Variants in ACBD6 observed in about 807,000 individuals in gnomAD.
ACBD6 encodes the protein acyl-CoA binding domain containing 6, also known as acyl-CoA-binding domain-containing protein 6.
Under a neutral mutation model 37.2 loss-of-function variants are expected in ACBD6, and 28 were observed. The observed-to-expected ratio is 0.75, with a 90% CI of 0.56 to 1.03. ACBD6 has a LOEUF of 1.03. Among genes scored for constraint, ACBD6 ranks in the 50% least tolerant of loss-of-function variants. The pLI is 0.00. For missense variants in ACBD6, 340 were observed against 337.4 expected (o/e 1.01, Z -0.06); for synonymous variants, 113 against 126.8 (o/e 0.89, Z 0.73).
At chr1:180,275,790 T>A (rs1466545036) in intron 9 of ACBD6, 1 of 152,290 alleles carries the variant, frequency 6.6e-6, no homozygotes, top group Non-Finnish European at 1.5e-5. Flanking sequence ...GCTGGACACC[T>A]GCCATGCCTT....
At chr1:180,386,310 A>G (rs999607403) in intron 6 of ACBD6, among the ~76,000 whole-genome samples, 1 of 152,222 alleles carries the variant, frequency 6.6e-6, no homozygotes, top group Non-Finnish European at 1.5e-5. Context: ...GAGCATCTGC[A>G]GTGTACTTTT....
intron 6 of ACBD6, among the ~76,000 whole-genome samples, chr1:180,367,961 C>T (rs555766984): frequency 3.3e-5 from 5 of 152,210 alleles, no homozygotes; most frequent in South Asian, 4.2e-4. Flanking sequence ...TTTGAGGAAC[C>T]GCCATACTGC....
intron 3 of ACBD6, among the ~76,000 whole-genome samples, chr1:180,443,026 A>AC (rs1465617998): frequency 1.3e-5 from 2 of 151,666 alleles, no homozygotes; most frequent in East Asian, 3.9e-4. Flanking sequence ...GGCAAGCTTT[A>AC]AAGACCTGTA....
chr1:180,320,330 T>C (rs1017078671), intron 6 of ACBD6, among the ~76,000 whole-genome samples: 11 of 152,210 alleles, frequency 7.2e-5, no homozygotes, highest in Admixed American at 2.0e-4. Flanking sequence ...TCAAATCATT[T>C]GCCCATTTTA....
At chr1:180,317,620 A>G (rs1036262266) in intron 6 of ACBD6, among the ~76,000 whole-genome samples, 8 of 152,354 alleles carry the variant, frequency 5.3e-5, no homozygotes, top group Admixed American at 2.6e-4. Context: ...GTAGAAGAGA[A>G]TAAGTATTCA....
At chr1:180,441,339 T>C (rs1229895497) in intron 3 of ACBD6, among the ~76,000 whole-genome samples, 2 of 152,242 alleles carry the variant, frequency 1.3e-5, no homozygotes, top group Non-Finnish European at 2.9e-5. Context: ...AGTACCATAC[T>C]GTTTTAATTA....
At chr1:180,484,470 T>C (rs1417430796) in intron 3 of ACBD6, among the ~76,000 whole-genome samples, 2 of 152,150 alleles carry the variant, frequency 1.3e-5, no homozygotes, top group Admixed American at 6.5e-5. Context: ...AGTAACTACA[T>C]TGAGGATACT....
intron 6 of ACBD6, among the ~76,000 whole-genome samples, chr1:180,346,250 T>C (rs796900610): frequency 6.6e-5 from 10 of 152,320 alleles, no homozygotes; most frequent in African/African-American, 2.4e-4. Flanking sequence ...TTAGGGGCTT[T>C]AGTAGAGTGT....
intron 8 of ACBD6, chr1:180,281,509 A>T (rs1010237967): frequency 6.6e-6 from 1 of 152,236 alleles, no homozygotes; most frequent in Non-Finnish European, 1.5e-5. Flanking sequence ...TGTATTTCCT[A>T]AGATTTGTTA....
chr1:180,477,290 G>A (rs953575025), intron 3 of ACBD6, among the ~76,000 whole-genome samples: 20 of 152,022 alleles, frequency 1.3e-4, no homozygotes, highest in Non-Finnish European at 1.6e-4. Context: ...CTATAGATCA[G>A]GGAGGACTGC....
In ACBD6 at chr1:180,324,433, T is replaced by C. The variant is rs192365592; in HGVS notation, c.664-9711A>G. ...CTTGCAAGTATCTTATAACCCATTA[T>C]TATTAAGCTGATGACAACTTAACAC... On this transcript the variant is annotated intron_variant, in intron 6 of 7. Transcript: ENST00000367595. 5.9e-5 allele frequency among the ~76,000 whole-genome samples: 9 copies of C among 152,250 alleles called. No individual in the cohort carries two copies. The East Asian group carries it at 1.7e-3, about 29-fold the overall frequency.
At chr1:180,435,518 T>C (rs1648998480) in intron 3 of ACBD6, 2 of 670,458 alleles carry the variant, frequency 3.0e-6, no homozygotes, top group Non-Finnish European at 5.0e-6. Context: ...CCCAAAGTGC[T>C]GGGATTACAG....
chr1:180,492,310 T>G lies in ACBD6; in HGVS notation c.343A>C (p.Ile115Leu). Residue 115 changes from isoleucine (I) to leucine (L), a missense_variant, in exon 3 of 8, where the codon ATC (isoleucine) becomes CTC (leucine). Ile to Leu is a conservative substitution (Grantham distance 5). Transcript: ENST00000367595. ...SSPSQAMQEY[I>L]AVVKKLDPGW... is the part of the protein sequence containing the mutation. Reference sequence around the variant, plus strand: ...GGATCTAGTTTTTTAACTACTGCGATATATTCCTGCATTGCTTGGCTGGGG... The same window carrying G: ...GGATCTAGTTTTTTAACTACTGCGAGATATTCCTGCATTGCTTGGCTGGGG... 1 of 1,614,176 alleles carries G rather than the reference T, an allele frequency of 6.2e-7. No homozygotes were observed. Among genetic ancestry groups the G allele is most frequent in the Non-Finnish European group, 8.5e-7 (1 of 1,180,012 alleles).
chr1:180,384,019 T>C (rs1455515010), intron 6 of ACBD6, among the ~76,000 whole-genome samples: 2 of 151,152 alleles, frequency 1.3e-5, no homozygotes, highest in African/African-American at 2.4e-5. Flanking sequence ...AAAAATCAAC[T>C]CAAGATGAAT....
chr1:180,397,194 T>A (rs1038998593), intron 6 of ACBD6, among the ~76,000 whole-genome samples: 2 of 152,140 alleles, frequency 1.3e-5, no homozygotes, highest in African/African-American at 4.8e-5. Flanking sequence ...AACACAACCA[T>A]AAATTTTAAG....
chr1:180,415,204 C>T (rs1648035497), intron 4 of ACBD6, among the ~76,000 whole-genome samples: 1 of 152,064 alleles, frequency 6.6e-6, no homozygotes, highest in Admixed American at 6.6e-5. Context: ...CGAAACTAGC[C>T]TGACCAACAT....
At chr1:180,307,270 A>G (rs1650417988) in intron 7 of ACBD6, among the ~76,000 whole-genome samples, 1 of 152,198 alleles carries the variant, frequency 6.6e-6, no homozygotes, top group South Asian at 2.1e-4. Flanking sequence ...GGCAAACTTC[A>G]CATATTCTCA....
At chr1:180,369,623 A>T (rs1282459157) in intron 6 of ACBD6, among the ~76,000 whole-genome samples, 1 of 152,066 alleles carries the variant, frequency 6.6e-6, no homozygotes, top group Non-Finnish European at 1.5e-5. Context: ...TAAAATGTTA[A>T]AATAAAAAAA....
chr1:180,421,364 G>A (rs1478738065), intron 4 of ACBD6, among the ~76,000 whole-genome samples: 1 of 152,128 alleles, frequency 6.6e-6, no homozygotes, highest in African/African-American at 2.4e-5. Flanking sequence ...TTTTATGGCT[G>A]TATAGTATTC....
Sources: allele counts gnomAD v4.1 joint callset (sites outside exome capture counted in the v4.1 genomes callset), GRCh38; gene constraint gnomAD v4.1.1; transcripts MANE v1.5; gene names NCBI Gene and HGNC (gene_info 2026-07-23, HGNC 2026-07-21).